The following SAR1A variants were observed in gnomAD, a reference collection of about 807,000 sequenced individuals.
SAR1A encodes secretion associated Ras related GTPase 1A, also known as small COPII coat GTPase SAR1A.
Under a neutral mutation model 22.6 loss-of-function variants are expected in SAR1A, and 6 were observed. The observed-to-expected ratio is 0.27, with a 90% confidence interval of 0.15 to 0.52. The LOEUF is 0.52. SAR1A is among the 20% of genes least tolerant of loss of function. The probability of loss-of-function intolerance (pLI) is 0.96; values close to 1 mark genes in which losing one functional copy is unlikely to be tolerated. For synonymous variants in SAR1A, 70 were observed against 82.2 expected, an observed-to-expected ratio of 0.85 and a Z score of 0.80; for missense variants, 145 against 245.1, an observed-to-expected ratio of 0.59 and a Z score of 2.73.
intron 5 of SAR1A, among the ~76,000 whole-genome samples, chr10:70,155,332 A>G (rs963668312): frequency 2.0e-5 from 3 of 152,336 alleles, no homozygotes; most frequent in African/African-American, 7.2e-5. Flanking sequence ...TAAAAAAGAC[A>G]AATGAGTCAA....
intron 1 of SAR1A, among the ~76,000 whole-genome samples, chr10:70,169,317 G>A (rs951337503): frequency 6.6e-6 from 1 of 151,556 alleles, no homozygotes; most frequent in South Asian, 2.1e-4. Flanking sequence ...CACAGAGGAT[G>A]ATCTTCCGAA....
At chr10:70,167,793 G>GA (rs1564572635) in intron 1 of SAR1A, among the ~76,000 whole-genome samples, 1 of 152,042 alleles carries the variant, frequency 6.6e-6, no homozygotes, top group Non-Finnish European at 1.5e-5. Context: ...AGGCTCTTAC[G>GA]AAAAAATACT....
chr10:70,166,312 T>C (rs1243947804), intron 1 of SAR1A, among the ~76,000 whole-genome samples: 1 of 152,232 alleles, frequency 6.6e-6, no homozygotes, highest in Non-Finnish European at 1.5e-5. Context: ...TCCCTAGACA[T>C]ACGACTGCTG....
rs1430229339 is a variant in SAR1A, at chr10:70,153,945, A to G, written c.373T>C (p.Ser125Pro). 1.3e-6 allele frequency: 2 copies of G among 1,595,324 alleles called. No individual in the cohort carries two copies. Among genetic ancestry groups the G allele is most frequent in the East Asian group, 4.5e-5 (2 of 44,306 alleles). The part of the protein sequence containing the change: ...LNALMTDETI[S>P]NVPILILGNK... The stretch of plus-strand genomic sequence containing the variant: ...CCCAAGATAAGGATTGGCACATTGG[A>G]TATTGTTTCATCAGTCATTAAAGCC... The change falls in exon 6 of 7, where the codon TCC becomes CCC. Residue 125 changes from serine (S) to proline (P), a missense_variant. Transcript: ENST00000373241.
Position 70,151,258 on chromosome 10 carries a change from CCAAAAAAAAAAA to C in SAR1A, c.*1206_*1217del, listed in dbSNP as rs1839322081. The C allele has an allele frequency of 1.4e-5, 1 of 73,336 alleles. No homozygotes were observed. Among genetic ancestry groups the C allele is most frequent in the Non-Finnish European group, 2.6e-5 (1 of 39,190 alleles). 4.5% of individuals were successfully genotyped at this position (73,336 alleles called of 1,614,324 possible). A position where few individuals can be genotyped will look rare whatever the true frequency, so the allele number is the denominator to read the frequency against. On this transcript the variant is annotated 3_prime_UTR_variant, in exon 7 of 7. Coordinates refer to ENST00000373241, the MANE Select transcript of SAR1A (RefSeq NM_020150.5). ...TGCAATGGAGAAAGACAATTTCATA[CCAAAAAAAAAAA>C]AAAAAAAAAAAAAACCTGGAAAAGC...
intron 1 of SAR1A, among the ~76,000 whole-genome samples, chr10:70,165,893 T>C (rs1288854122): frequency 6.6e-6 from 1 of 152,182 alleles, no homozygotes; most frequent in Non-Finnish European, 1.5e-5. Context: ...CAAACTTCCT[T>C]GTTGTCTTAT....
Position 70,147,737 on chromosome 10 carries a change from T to C in SAR1A, c.*4739A>G, listed in dbSNP as rs2136703468. The stretch of plus-strand genomic sequence containing the variant: ...TCTACTTTTCCAAAGAAGTACGCTT[T>C]AGGACAGAGGAGGATGAACGAGTAT... On this transcript the variant is annotated 3_prime_UTR_variant, in exon 7 of 7. Transcript: ENST00000373241. 1 of 152,354 alleles carries C rather than the reference T, an allele frequency of 6.6e-6. No individual in the cohort carries two copies. Among genetic ancestry groups the C allele is most frequent in the East Asian group, 1.9e-4 (1 of 5,192 alleles). 9.4% of individuals were successfully genotyped at this position (152,354 alleles called of 1,614,324 possible).
In SAR1A at chr10:70,150,842, T is replaced by G. The variant is rs1295331284; in HGVS notation, c.*1634A>C. The G allele has an allele frequency of 6.6e-6, 1 of 152,526 alleles. No individual in the cohort carries two copies. The highest frequency in any genetic ancestry group is 1.5e-5 in the Non-Finnish European group (1 of 68,020). The allele number at this position is 152,526 out of a possible 1,614,324, so 9.4% of individuals were successfully genotyped here. A position where few individuals can be genotyped will look rare whatever the true frequency, so the allele number is the denominator to read the frequency against. On this transcript the variant is annotated 3_prime_UTR_variant, in exon 7 of 7. Transcript: ENST00000373241. The stretch of plus-strand genomic sequence containing the variant: ...TTCAGTACCTGGCAGTGAAAAAGTA[T>G]GCTTTCCCCACAAGTCAGTACTGGA...
chr10:70,163,465 A>AT (rs1839503011), intron 1 of SAR1A, among the ~76,000 whole-genome samples: 1 of 152,204 alleles, frequency 6.6e-6, no homozygotes, highest in African/African-American at 2.4e-5. Flanking sequence ...TTATGGGCTA[A>AT]TGCAAGGTGA....
chr10:70,157,694 C>T, intron 5 of SAR1A, 70 bp downstream of exon 5: 1 of 1,162,058 alleles, frequency 8.6e-7, no homozygotes, highest in Non-Finnish European at 1.3e-6. Context: ...AGCTATATTC[C>T]TTAAAAAAAA....
Position 70,152,465 on chromosome 10 carries a change from C to T in SAR1A, c.*11G>A. The stretch of plus-strand genomic sequence containing the variant: ...GAGAAGTAAAACTCTTTTATTTTCA[C>T]CGTCCAAACATCAGTCAATATACTG... On this transcript the variant is annotated 3_prime_UTR_variant, in exon 7 of 7. Transcript: ENST00000373241. The T allele has an allele frequency of 2.5e-6, 4 of 1,582,714 alleles. No homozygotes were observed. Among genetic ancestry groups the T allele is most frequent in the African/African-American group, 1.3e-5 (1 of 74,416 alleles).
In SAR1A at chr10:70,157,864, C is replaced by T. The variant is rs1276775346; in HGVS notation, c.248G>A (p.Arg83His). The T allele has an allele frequency of 3.1e-6, 5 of 1,610,948 alleles. No individual in the cohort carries two copies. The highest frequency in any genetic ancestry group is 4.2e-6 in the Non-Finnish European group (5 of 1,178,146). The change falls in exon 5 of 7, where the codon CGT becomes CAT. Residue 83 changes from arginine to histidine, a missense_variant. By Grantham distance (29) the Arg-to-His change is conservative (BLOSUM62 0). Transcript: ENST00000373241. ...TGGGAGATAATTTTTCCAAACGCGA[C>T]GTGCTAAAAAACAAAGTTTGTAGTT... ...TFDLGGHEQA[R>H]RVWKNYLPAI...
At chr10:70,163,998 C>T (rs532755027) in intron 1 of SAR1A, 57 of 1,043,534 alleles carry the variant, frequency 5.5e-5, no homozygotes, top group Non-Finnish European at 8.5e-5. Context: ...TGGTGTAGAA[C>T]TTCACCATGT....
At chr10:70,164,779 A>C (rs1037924674) in intron 1 of SAR1A, among the ~76,000 whole-genome samples, 5 of 152,178 alleles carry the variant, frequency 3.3e-5, no homozygotes, top group African/African-American at 1.2e-4. Flanking sequence ...TGCCTACCAC[A>C]CATCTGTTTA....
chr10:70,167,955 C>A (rs139519218), intron 1 of SAR1A, among the ~76,000 whole-genome samples: 8 of 152,218 alleles, frequency 5.3e-5, no homozygotes, highest in African/African-American at 1.9e-4. Context: ...AGCTCCTGTG[C>A]TGAAATTCCC....
rs1441293728 is a variant in SAR1A, at chr10:70,149,472, GT to G, written c.*3003del. The G allele has an allele frequency of 2.0e-5, 3 of 147,306 alleles. No individual in the cohort carries two copies. Among genetic ancestry groups the G allele is most frequent in the Non-Finnish European group, 4.5e-5 (3 of 67,012 alleles). The allele number at this position is 147,306 out of a possible 1,614,324, so 9.1% of individuals were successfully genotyped here. Reference sequence around the variant, plus strand: ...GTTTTATGATCTCATTTGGGTTTTTGTAAAAGCAGTCTTCCTACAAGCCTAG... The same window carrying G: ...GTTTTATGATCTCATTTGGGTTTTTGAAAAGCAGTCTTCCTACAAGCCTAG... On this transcript the variant is annotated 3_prime_UTR_variant, in exon 7 of 7. Coordinates refer to ENST00000373241, the MANE Select transcript of SAR1A (RefSeq NM_020150.5).
chr10:70,162,096 T>C (rs918440458), intron 1 of SAR1A, among the ~76,000 whole-genome samples, 165 bp from the exon 2 acceptor site: 1 of 152,038 alleles, frequency 6.6e-6, no homozygotes, highest in Non-Finnish European at 1.5e-5. Context: ...TCCCAGCATT[T>C]GGGAAAGCCA....
At chr10:70,158,242 A>C (rs1270730705) in intron 4 of SAR1A, among the ~76,000 whole-genome samples, 1 of 152,198 alleles carries the variant, frequency 6.6e-6, no homozygotes, top group African/African-American at 2.4e-5. Context: ...AGCCAATTTT[A>C]CTCACTTAAA....
chr10:70,163,917 G>A, intron 1 of SAR1A: 1 of 1,599,568 alleles, frequency 6.3e-7, no homozygotes. Flanking sequence ...AAAAATGAAA[G>A]ACACAGACAG....
Sources: allele counts gnomAD v4.1 joint callset (sites outside exome capture counted in the v4.1 genomes callset), GRCh38; gene constraint gnomAD v4.1.1; transcripts MANE v1.5; gene names NCBI Gene and HGNC (gene_info 2026-07-23, HGNC 2026-07-21).